Variants in GOLGA1 observed in about 807,000 individuals in gnomAD.
The protein encoded by GOLGA1 is golgin subfamily A member 1.
In GOLGA1, 63 loss-of-function variants were observed where a neutral mutation model predicts 119.7. That is an observed-to-expected ratio of 0.53 (90% CI 0.43 to 0.65). GOLGA1 has a LOEUF of 0.65. Ranked by LOEUF, GOLGA1 falls within the 30% of genes least tolerant of loss-of-function variation. The pLI, the probability that GOLGA1 is intolerant of heterozygous loss-of-function variation, is 0.00. For missense variants in GOLGA1, 798 were observed against 912.8 expected, an observed-to-expected ratio of 0.87 and a Z score of 1.62; for synonymous variants, 318 against 333.4, an observed-to-expected ratio of 0.95 and a Z score of 0.50.
chr9:124,880,776 C>T (rs1341477449), intron 22 of GOLGA1, among the ~76,000 whole-genome samples, 166 bp from the exon 23 acceptor site: 3 of 152,120 alleles, frequency 2.0e-5, no homozygotes, highest in Non-Finnish European at 2.9e-5. Context: ...GTCTGCAGGC[C>T]CGTGCTCAGT....
intron 10 of GOLGA1, among the ~76,000 whole-genome samples, chr9:124,913,459 A>G (rs1281587286): frequency 6.6e-6 from 1 of 152,074 alleles, no homozygotes; most frequent in Non-Finnish European, 1.5e-5. Flanking sequence ...CTTATCTTAC[A>G]CTTCCGTTGC....
intron 12 of GOLGA1, among the ~76,000 whole-genome samples, chr9:124,903,859 G>C (rs954779558): frequency 6.6e-6 from 1 of 152,068 alleles, no homozygotes; most frequent in Non-Finnish European, 1.5e-5. Flanking sequence ...GACCATCTTG[G>C]TCAACATGGT....
chr9:124,894,945 G>A (rs1022651309), intron 15 of GOLGA1, among the ~76,000 whole-genome samples: 2 of 149,806 alleles, frequency 1.3e-5, no homozygotes, highest in African/African-American at 4.9e-5. Context: ...CTCCACAACA[G>A]AGACCCATCC....
chr9:124,933,470 G>A (rs1011796532), intron 3 of GOLGA1, among the ~76,000 whole-genome samples: 2 of 152,054 alleles, frequency 1.3e-5, no homozygotes, highest in Non-Finnish European at 2.9e-5. Context: ...ACCCAGGCTG[G>A]AGTGCAGTGG....
Position 124,889,131 on chromosome 9 carries a change from G to A in GOLGA1, c.1761+12C>T. The A allele has an allele frequency of 1.9e-6, 3 of 1,598,712 alleles. No homozygotes were observed. Among genetic ancestry groups the A allele is most frequent in the Non-Finnish European group, 2.6e-6 (3 of 1,171,070 alleles). ...TTGCTGTAGCACCCATGCAGGTGCA[G>A]CTGGGACTTACGTGCGACTCATTGA... On this transcript the variant is annotated intron_variant, in intron 18 of 22. Transcript: ENST00000373555.
intron 15 of GOLGA1, among the ~76,000 whole-genome samples, chr9:124,896,554 C>T (rs924813052): frequency 5.3e-5 from 8 of 152,242 alleles, no homozygotes; most frequent in East Asian, 1.9e-4. Context: ...AGTCTTCTTG[C>T]TTCTGCTCAT....
chr9:124,906,312 T>G (rs2131433835), intron 12 of GOLGA1, among the ~76,000 whole-genome samples: 1 of 151,314 alleles, frequency 6.6e-6, no homozygotes, highest in East Asian at 1.9e-4. Flanking sequence ...GTGCCTGTAA[T>G]CCCAGCTACT....
upstream of GOLGA1, among the ~76,000 whole-genome samples, chr9:124,941,285 AGAT>A (rs1564349411): frequency 6.6e-6 from 1 of 152,266 alleles, no homozygotes; most frequent in African/African-American, 2.4e-5. Context: ...CCAGAGCCAC[AGAT>A]GATGACTGAG....
intron 15 of GOLGA1, among the ~76,000 whole-genome samples, chr9:124,893,865 G>A (rs970600705): frequency 3.9e-5 from 6 of 152,178 alleles, no homozygotes; most frequent in African/African-American, 1.4e-4. Context: ...CAGTCCTGTA[G>A]GCTCCTACAA....
At chr9:124,886,858 T>G (rs961305713) in intron 19 of GOLGA1, among the ~76,000 whole-genome samples, 6 of 148,918 alleles carry the variant, frequency 4.0e-5, no homozygotes, top group Non-Finnish European at 8.9e-5. Context: ...GACATGAAGT[T>G]GGGGTTAGGG....
intron 15 of GOLGA1, among the ~76,000 whole-genome samples, chr9:124,892,427 T>C (rs1829877263): frequency 6.6e-6 from 1 of 152,226 alleles, no homozygotes; most frequent in Admixed American, 6.5e-5. Context: ...GCTTTAGTTA[T>C]ACTTGACCAA....
chr9:124,884,395 C>T (rs1829667249), intron 19 of GOLGA1, among the ~76,000 whole-genome samples: 1 of 152,248 alleles, frequency 6.6e-6, no homozygotes, highest in South Asian at 2.1e-4. Context: ...CATCCCCATT[C>T]TTGCACAGCG....
In GOLGA1 at chr9:124,900,521, C is replaced by T. The variant is rs1028431863; in HGVS notation, c.1092G>A (p.Gln364=). 11 of 1,592,174 alleles carry T rather than the reference C, an allele frequency of 6.9e-6. No homozygotes were observed. Among genetic ancestry groups the T allele is most frequent in the African/African-American group, 1.3e-5 (1 of 74,596 alleles). ...TRVRELEQTL[Q]ASEEQLQQSK... is the part of the protein sequence containing the mutation. The stretch of plus-strand genomic sequence containing the variant: ...TCTGTTGGAGCTGCTCCTCAGAGGC[C>T]TGCAAGGTCTGCTCCAGTTCTCTCA... Residue 364 remains glutamine, a synonymous_variant, in exon 13 of 23, where the codon CAG becomes CAA. Transcript: ENST00000373555.
At chr9:124,930,189 C>T (rs997006371) in intron 4 of GOLGA1, among the ~76,000 whole-genome samples, 6 of 152,136 alleles carry the variant, frequency 3.9e-5, no homozygotes, top group South Asian at 4.1e-4. Context: ...CCTTCTCTAA[C>T]GTAAGTCAAG....
At position 124,888,294 on chromosome 9, in the gene GOLGA1, CCTT is replaced by C; in HGVS notation, c.1861_1863del (p.Lys621del). The C allele has an allele frequency of 6.2e-7, 1 of 1,614,118 alleles. No individual in the cohort carries two copies. The highest frequency in any genetic ancestry group is 8.5e-7 in the Non-Finnish European group (1 of 1,179,966). ...AGTTGCTGCTCCAAGTCCTGTTTCTCCTTCTGTAGCTGTGTGAGATCCATGGCC... is the reference window on the plus strand; with the variant it reads ...AGTTGCTGCTCCAAGTCCTGTTTCTCCTGTAGCTGTGTGAGATCCATGGCC... On this transcript the variant is annotated inframe_deletion, in exon 19 of 23. Coordinates refer to ENST00000373555, the MANE Select transcript of GOLGA1 (RefSeq NM_002077.4). This position sits in a 1 kb window ranked among gnomAD's most constrained non-coding sequence, Gnocchi z 4.4.
upstream of GOLGA1, chr9:124,943,174 A>G (rs1831086071): frequency 6.6e-6 from 1 of 152,248 alleles, no homozygotes; most frequent in Admixed American, 6.5e-5. Flanking sequence ...AGACTTTTAC[A>G]ATACCACAAA....
At position 124,931,307 on chromosome 9, in the gene GOLGA1, T is replaced by C; in HGVS notation, c.226+9A>G. 7.3e-7 allele frequency: 1 copy of C among 1,365,362 alleles called. No individual in the cohort carries two copies. Among genetic ancestry groups the C allele is most frequent in the Non-Finnish European group, 1.0e-6 (1 of 953,064 alleles). The allele number at this position is 1,365,362 out of a possible 1,614,324, so 84.6% of individuals were successfully genotyped here. On this transcript the variant is annotated intron_variant, in intron 4 of 22. Coordinates refer to ENST00000373555, the MANE Select transcript of GOLGA1 (RefSeq NM_002077.4). ...CTGTTGTTTGCTTTTTATGAGTTCT[T>C]AGACATACCAGAAAGTCTGGCCTCT...
chr9:124,934,898 T>A (rs1479271260), intron 3 of GOLGA1, among the ~76,000 whole-genome samples: 1 of 152,004 alleles, frequency 6.6e-6, no homozygotes, highest in African/African-American at 2.4e-5. Context: ...AATACAAAAA[T>A]TAGCTGGGTG....
In GOLGA1 at chr9:124,928,206, T is replaced by G; in HGVS notation, c.381A>C (p.Ala127=). 1 of 1,581,356 alleles carries G rather than the reference T, an allele frequency of 6.3e-7. No homozygotes were observed. Among genetic ancestry groups the G allele is most frequent in the South Asian group, 1.1e-5 (1 of 90,072 alleles). The part of the protein sequence containing the change: ...RAKMAEGLAL[A]LARKDQEWSE... ...AAAATACCTGGTCCTTTCTGGCTAA[T>G]GCCAAAGCCAGTCCTTCTGCCATTT... The change falls in exon 6 of 23, where the codon GCA becomes GCC. Residue 127 remains alanine, a synonymous_variant. Transcript: ENST00000373555.
Sources: gnomAD v4.1 joint callset for allele counts (sites outside exome capture counted in the v4.1 genomes callset) on GRCh38, gnomAD v4.1.1 for gene constraint, Gnocchi (gnomAD v3.1) non-coding constraint, MANE v1.5 for transcripts, NCBI Gene and HGNC (gene_info 2026-07-23, HGNC 2026-07-21) for gene names.